SHTN1: variants seen among roughly 807,000 people sequenced by gnomAD.
SHTN1 encodes the protein shootin-1.
A neutral mutation model predicts 83.1 loss-of-function variants in SHTN1; 42 were observed. The ratio of observed to expected loss-of-function variants is 0.51; its 90% CI spans 0.39 to 0.65. SHTN1 has a LOEUF of 0.65. SHTN1 is among the 30% of genes least tolerant of loss of function. The pLI is 0.00. For synonymous variants in SHTN1, 224 were observed against 247.7 expected (o/e 0.90, Z 0.90); for missense variants, 622 against 737.8 (o/e 0.84, Z 1.82).
chr10:117,072,242 C>A (rs1853091442), intron 1 of SHTN1, among the ~76,000 whole-genome samples: 1 of 152,172 alleles, frequency 6.6e-6, no homozygotes, highest in Admixed American at 6.5e-5. Context: ...CTTGGACTGG[C>A]TTTCCTTGCT....
At chr10:117,089,209 A>T (rs1853393119) in intron 1 of SHTN1, among the ~76,000 whole-genome samples, 1 of 152,226 alleles carries the variant, frequency 6.6e-6, no homozygotes, top group African/African-American at 2.4e-5. Context: ...AGGGTGACAG[A>T]AATGTTCTAA....
intron 16 of SHTN1, chr10:116,900,534 A>G: frequency 6.5e-7 from 1 of 1,533,032 alleles, no homozygotes; most frequent in Non-Finnish European, 8.7e-7. Flanking sequence ...TTTCTGATTC[A>G]GATTATCTGT....
intron 1 of SHTN1, among the ~76,000 whole-genome samples, chr10:117,107,838 T>C (rs1252862549): frequency 6.6e-6 from 1 of 152,186 alleles, no homozygotes; most frequent in Non-Finnish European, 1.5e-5. Flanking sequence ...TTGTTTTGTT[T>C]TGTTTGAGAA....
chr10:117,027,152 C>T (rs1204816154), intron 2 of SHTN1, among the ~76,000 whole-genome samples: 1 of 151,750 alleles, frequency 6.6e-6, no homozygotes, highest in East Asian at 1.9e-4. Context: ...GATCTGAATC[C>T]CCACCCAAAT....
intron 2 of SHTN1, among the ~76,000 whole-genome samples, chr10:117,016,930 G>A (rs948504751): frequency 2.6e-4 from 40 of 152,028 alleles, no homozygotes; most frequent in African/African-American, 9.2e-4. Flanking sequence ...CCACTGAGAA[G>A]GCCTAGAAAC....
chr10:116,887,266 CTT>C (rs1332606487), intron 16 of SHTN1, among the ~76,000 whole-genome samples: 1 of 152,206 alleles, frequency 6.6e-6, no homozygotes, highest in Non-Finnish European at 1.5e-5. Flanking sequence ...TCTCTCGTCT[CTT>C]CTGCTGCAAG....
At chr10:116,903,466 A>G (rs894848836) in intron 15 of SHTN1, among the ~76,000 whole-genome samples, 2 of 151,954 alleles carry the variant, frequency 1.3e-5, no homozygotes, top group Non-Finnish European at 2.9e-5. Context: ...CAGAGGTTGC[A>G]GTGAGCCGAG....
intron 3 of SHTN1, among the ~76,000 whole-genome samples, chr10:116,965,204 C>G (rs1306941587): frequency 6.6e-6 from 1 of 152,068 alleles, no homozygotes; most frequent in East Asian, 1.9e-4. Flanking sequence ...AAAGCTTTTC[C>G]TAACCCTTAG....
intron 16 of SHTN1, among the ~76,000 whole-genome samples, chr10:116,897,825 C>G (rs535117005): frequency 6.6e-6 from 1 of 152,246 alleles, no homozygotes; most frequent in African/African-American, 2.4e-5. Context: ...TTGGAAATAA[C>G]TGGATGCTGC....
intron 1 of SHTN1, among the ~76,000 whole-genome samples, chr10:117,057,198 G>A (rs1403401757): frequency 1.3e-5 from 2 of 152,188 alleles, no homozygotes; most frequent in Non-Finnish European, 2.9e-5. Context: ...CAACTCTGGA[G>A]TCTATTGAAG....
At chr10:116,950,736 A>G (rs1026930070) in intron 6 of SHTN1, among the ~76,000 whole-genome samples, 12 of 152,270 alleles carry the variant, frequency 7.9e-5, no homozygotes, top group African/African-American at 2.9e-4. Context: ...ACTGGTACAC[A>G]TTGTCCAACG....
At chr10:117,078,470 T>G (rs796830505) in intron 1 of SHTN1, among the ~76,000 whole-genome samples, 1 of 152,200 alleles carries the variant, frequency 6.6e-6, no homozygotes, top group African/African-American at 2.4e-5. Context: ...GAGTAGTAGA[T>G]TGTGGCCACA....
chr10:117,040,244 AGAAT>A (rs1463763601), intron 2 of SHTN1, among the ~76,000 whole-genome samples: 5 of 152,206 alleles, frequency 3.3e-5, no homozygotes, highest in Admixed American at 2.0e-4. Context: ...TTTAAGAAGA[AGAAT>A]GGAGGACTTA....
chr10:117,017,835 T>C (rs1470483387), intron 2 of SHTN1, among the ~76,000 whole-genome samples: 1 of 152,190 alleles, frequency 6.6e-6, no homozygotes, highest in Non-Finnish European at 1.5e-5. Context: ...TGGTAAGTCA[T>C]ATTTATTAAC....
chr10:117,062,347 T>C (rs1195820243), intron 1 of SHTN1, among the ~76,000 whole-genome samples: 1 of 152,230 alleles, frequency 6.6e-6, no homozygotes, highest in East Asian at 1.9e-4. Flanking sequence ...CAAAAGATCC[T>C]GAGTATTGTG....
Position 116,886,150 on chromosome 10 carries a change from A to C in SHTN1, c.*194T>G. 1 of 755,630 alleles carries C rather than the reference A, an allele frequency of 1.3e-6. No homozygotes were observed. Among genetic ancestry groups the C allele is most frequent in the Non-Finnish European group, 2.1e-6 (1 of 486,422 alleles). The allele number at this position is 755,630 out of a possible 1,614,324, so 46.8% of individuals were successfully genotyped here. A position where few individuals can be genotyped will look rare whatever the true frequency, so the allele number is the denominator to read the frequency against. On this transcript the variant is annotated 3_prime_UTR_variant, in exon 17 of 17. Coordinates refer to ENST00000355371, the MANE Select transcript of SHTN1 (RefSeq NM_001127211.3). Reference sequence around the variant, plus strand: ...TATAAAGATCAAAAAACCAAAACCTACTAGGAATGTGTGTTTTGCTAAACA... The same window carrying C: ...TATAAAGATCAAAAAACCAAAACCTCCTAGGAATGTGTGTTTTGCTAAACA...
At chr10:117,101,586 C>T (rs773523109) in intron 1 of SHTN1, among the ~76,000 whole-genome samples, 7 of 152,132 alleles carry the variant, frequency 4.6e-5, no homozygotes, top group Non-Finnish European at 8.8e-5. Flanking sequence ...GATTCATCTT[C>T]TATGGTCTCA....
chr10:116,881,549 T>C lies in SHTN1; in HGVS notation c.*4795A>G. ...AAGAACACACTTTTTTTTACTTTAA[T>C]GAGGAAGCTGAAAAGGCTGCGGAGG... On this transcript the variant is annotated 3_prime_UTR_variant, in exon 17 of 17. Coordinates refer to ENST00000355371, the MANE Select transcript of SHTN1 (RefSeq NM_001127211.3). 1.3e-6 allele frequency: 2 copies of C among 1,547,610 alleles called. No individual in the cohort carries two copies. Among genetic ancestry groups the C allele is most frequent in the Middle Eastern group, 1.7e-4 (1 of 5,868 alleles).
intron 6 of SHTN1, among the ~76,000 whole-genome samples, chr10:116,951,675 A>G (rs1279412940): frequency 6.6e-6 from 1 of 152,270 alleles, no homozygotes; most frequent in Non-Finnish European, 1.5e-5. Context: ...ACAACAGGAA[A>G]CATGTCCATG....
Sources: gnomAD v4.1 joint callset for allele counts (sites outside exome capture counted in the v4.1 genomes callset) on GRCh38, gnomAD v4.1.1 for gene constraint, MANE v1.5 for transcripts, NCBI Gene and HGNC (gene_info 2026-07-23, HGNC 2026-07-21) for gene names.